The following SGK1 variants were observed in gnomAD, a reference collection of about 807,000 sequenced individuals.
SGK1 encodes the protein serine/threonine-protein kinase Sgk1.
In SGK1, 26 loss-of-function variants were observed where a neutral mutation model predicts 64.2. The observed-to-expected ratio is 0.40, with a 90% CI of 0.30 to 0.56. The LOEUF (loss-of-function observed/expected upper bound fraction) is 0.56. Among genes scored for constraint, SGK1 ranks in the 20% least tolerant of loss-of-function variants. The pLI is 0.38. For missense variants in SGK1, 519 were observed against 645.6 expected, an observed-to-expected ratio of 0.80 and a Z score of 2.12; for synonymous variants, 265 against 239.7, an observed-to-expected ratio of 1.11 and a Z score of -0.98.
chr6:134,317,871 G>T lies in SGK1; in HGVS notation c.-411C>A. The stretch of plus-strand genomic sequence containing the variant: ...CGAGTCGCTCTTCTCCAGGTGATGC[G>T]CTCCTGGAGGCGGCTTGAGAGAGGA... On this transcript the variant is annotated 5_prime_UTR_variant, in exon 1 of 14. Transcript: ENST00000367858. 1 of 174,098 alleles carries T rather than the reference G, an allele frequency of 5.7e-6. No individual in the cohort carries two copies. The highest frequency in any genetic ancestry group is 6.2e-5 in the Admixed American group (1 of 16,174). The allele number at this position is 174,098 out of a possible 1,614,324, so 10.8% of individuals were successfully genotyped here. A position where few individuals can be genotyped will look rare whatever the true frequency, so the allele number is the denominator to read the frequency against.
At chr6:134,298,648 G>A (rs1429291095) in intron 1 of SGK1, 15 of 1,335,252 alleles carry the variant, frequency 1.1e-5, no homozygotes, top group South Asian at 2.4e-5. Context: ...AAGGCCCGGG[G>A]GCCAGAGATG....
Position 134,173,521 on chromosome 6 carries a change from G to A in SGK1, c.559C>T (p.His187Tyr), listed in dbSNP as rs1327823295. Residue 187 changes from histidine to tyrosine, a missense_variant, in exon 6 of 14, where the codon CAT (histidine) becomes TAT (tyrosine). By Grantham distance (83) the His-to-Tyr change is moderately conservative (BLOSUM62 2). This residue lies in a region of SGK1 where 241 missense variants were observed against 236.9 expected (regional missense o/e 1.02). Transcript: ENST00000367858. ...AAGTGAAAGTCAGATGGTTTAGCAT[G>A]AGGATTGGACGACGGGCCAAGGTTG... ...QINLGPSSNP[H>Y]AKPSDFHFLK... The A allele has an allele frequency of 5.0e-5, 81 of 1,613,016 alleles. No homozygotes were observed. Among genetic ancestry groups the A allele is most frequent in the Non-Finnish European group, 6.6e-5 (78 of 1,179,748 alleles).
chr6:134,186,721 G>A (rs1001439618), intron 3 of SGK1, among the ~76,000 whole-genome samples: 3 of 152,116 alleles, frequency 2.0e-5, no homozygotes, highest in Non-Finnish European at 4.4e-5. Context: ...AGATTGAGTT[G>A]TTGTAATTTC....
chr6:134,254,743 A>T (rs1776655342), intron 2 of SGK1, among the ~76,000 whole-genome samples: 1 of 152,224 alleles, frequency 6.6e-6, no homozygotes, highest in Admixed American at 6.5e-5. Flanking sequence ...ATAAACACAC[A>T]TATATACAGA....
intron 1 of SGK1, among the ~76,000 whole-genome samples, chr6:134,281,702 G>T (rs1310023273): frequency 2.6e-5 from 4 of 151,860 alleles, no homozygotes; most frequent in African/African-American, 9.7e-5. Flanking sequence ...TTTTTGTAGA[G>T]ATGGGGGTCT....
At chr6:134,211,725 G>A in intron 2 of SGK1, among the ~76,000 whole-genome samples, 1 of 151,802 alleles carries the variant, frequency 6.6e-6, no homozygotes, top group East Asian at 1.9e-4. Flanking sequence ...AAGAATGTGT[G>A]GAGCAGTAAC....
Position 134,204,263 on chromosome 6 carries a change from A to ATT in SGK1, c.361+3092_361+3093insAA, listed in dbSNP as rs1297083328. ...AAATAAATAAATAAATAAATAAATAAATAATTACTCTAGACATAGATCCTA... is the reference window on the plus strand; with the variant it reads ...AAATAAATAAATAAATAAATAAATAATTATAATTACTCTAGACATAGATCCTA... On this transcript the variant is annotated intron_variant, in intron 3 of 13. Coordinates refer to ENST00000367858, the MANE Select transcript of SGK1 (RefSeq NM_001143676.3). Among the ~76,000 whole-genome samples, 536 of 149,806 alleles carry ATT rather than the reference A, an allele frequency of 3.6e-3. 1 individual carries two copies. The highest frequency in any genetic ancestry group is 0.011 in the African/African-American group (451 of 40,076).
chr6:134,170,551 C>A (rs943376211), intron 13 of SGK1, 116 bp from the exon 14 acceptor site: 35 of 971,650 alleles, frequency 3.6e-5, no homozygotes, highest in Admixed American at 5.1e-5. Context: ...TCCATAATCA[C>A]CCACTTCAAG....
At chr6:134,183,405 A>G (rs1343074572) in intron 3 of SGK1, among the ~76,000 whole-genome samples, 1 of 152,172 alleles carries the variant, frequency 6.6e-6, no homozygotes, top group Non-Finnish European at 1.5e-5. Context: ...AACTTATTCC[A>G]TCTATCTAGC....
intron 3 of SGK1, among the ~76,000 whole-genome samples, chr6:134,192,943 C>T (rs1775538519): frequency 1.3e-5 from 2 of 152,132 alleles, no homozygotes; most frequent in Admixed American, 6.5e-5. Context: ...AGCCTGTTTT[C>T]ATTATTAGTT....
rs758199341 is a variant in SGK1, at chr6:134,170,380, G to A, written c.1469C>T (p.Pro490Leu). Residue 490 changes from proline (P) to leucine (L), a missense_variant, in exon 14 of 14, where the codon CCC becomes CTC. By Grantham distance (98) the Pro-to-Leu change is moderately conservative. This residue lies in a region of SGK1 where 278 missense variants were observed against 408.7 expected (regional missense o/e 0.68). Transcript: ENST00000367858. ...GTCAGGGGACTTGCCAATGGAGTTGGGGACAGGCTCTTCGGTAAACTCGGG... is the reference window on the plus strand; with the variant it reads ...GTCAGGGGACTTGCCAATGGAGTTGAGGACAGGCTCTTCGGTAAACTCGGG... ...FDPEFTEEPVPNSIGKSPDSV... is the reference protein window; with the variant it reads ...FDPEFTEEPVLNSIGKSPDSV... The A allele has an allele frequency of 6.2e-7, 1 of 1,614,086 alleles. No individual in the cohort carries two copies. Among genetic ancestry groups the A allele is most frequent in the Admixed American group, 1.7e-5 (1 of 60,008 alleles).
chr6:134,170,388 C>A lies in SGK1; in HGVS notation c.1461G>T (p.Glu487Asp). 1 of 1,614,020 alleles carries A rather than the reference C, an allele frequency of 6.2e-7. No homozygotes were observed. The highest frequency in any genetic ancestry group is 8.5e-7 in the Non-Finnish European group (1 of 1,179,924). The change falls in exon 14 of 14, where the codon GAG (glutamate) becomes GAT (aspartate). Residue 487 changes from glutamate to aspartate, a missense_variant. Glu to Asp is a conservative substitution (Grantham distance 45, BLOSUM62 2). Coordinates refer to ENST00000367858, the MANE Select transcript of SGK1 (RefSeq NM_001143676.3). ...LRHFDPEFTE[E>D]PVPNSIGKSP... ...ACTTGCCAATGGAGTTGGGGACAGG[C>A]TCTTCGGTAAACTCGGGGTCAAAGT...
At chr6:134,209,654 G>A (rs139525333) in intron 2 of SGK1, among the ~76,000 whole-genome samples, 2 of 152,104 alleles carry the variant, frequency 1.3e-5, no homozygotes, top group Non-Finnish European at 2.9e-5. Flanking sequence ...TAGTTTCACC[G>A]ACATTTTCTC....
At chr6:134,188,791 G>A (rs1447834042) in intron 3 of SGK1, among the ~76,000 whole-genome samples, 1 of 151,748 alleles carries the variant, frequency 6.6e-6, no homozygotes, top group Non-Finnish European at 1.5e-5. Flanking sequence ...GGAGTGCAGT[G>A]GTGTGATCAT....
chr6:134,274,028 G>C (rs181276419), intron 1 of SGK1, among the ~76,000 whole-genome samples: 1 of 151,994 alleles, frequency 6.6e-6, no homozygotes, highest in East Asian at 1.9e-4. Context: ...TTTTGAGACA[G>C]AGTCTCACTC....
At chr6:134,220,088 G>GAAAAA (rs921148766) in intron 2 of SGK1, among the ~76,000 whole-genome samples, 1 of 92,348 alleles carries the variant, frequency 1.1e-5, no homozygotes, top group East Asian at 2.9e-4. Context: ...AAAAAAAAAA[G>GAAAAA]AAAAGAAAAG....
At position 134,297,572 on chromosome 6, in the gene SGK1, G is replaced by A. The variant is rs7752958; in HGVS notation, c.69+19820C>T. On this transcript the variant is annotated intron_variant, in intron 1 of 13. Transcript: ENST00000367858. ...GGCTGGAGTGCAGTGGCACGATCTC[G>A]GCTCACTGCAAGCTCCGCCTCCCAG... 5.6e-4 allele frequency: 279 copies of A among 498,624 alleles called. 2 individuals are homozygous for A. Among genetic ancestry groups the A allele is most frequent in the African/African-American group, 3.6e-3 (187 of 51,666 alleles). 30.9% of individuals were successfully genotyped at this position (498,624 alleles called of 1,614,324 possible). A position where few individuals can be genotyped will look rare whatever the true frequency, so the allele number is the denominator to read the frequency against.
At position 134,172,740 on chromosome 6, in the gene SGK1, A is replaced by AGGAAGCAGC; in HGVS notation, c.860_868dup (p.Arg287_Phe289dup). On this transcript the variant is annotated inframe_insertion, in exon 9 of 14. Transcript: ENST00000367858. The stretch of plus-strand genomic sequence containing the variant: ...AGCATAGAAACGAGCCCGTGGTTCC[A>AGGAAGCAGC]GGAAGCAGCGTTCCCTCTGGAGATG... 1 of 1,614,090 alleles carries AGGAAGCAGC rather than the reference A, an allele frequency of 6.2e-7. No individual in the cohort carries two copies. Among genetic ancestry groups the AGGAAGCAGC allele is most frequent in the Non-Finnish European group, 8.5e-7 (1 of 1,179,906 alleles).
At chr6:134,209,263 G>A (rs529388077) in intron 2 of SGK1, among the ~76,000 whole-genome samples, 36 of 152,048 alleles carry the variant, frequency 2.4e-4, no homozygotes, top group African/African-American at 3.1e-4. Context: ...CTGAAATCCC[G>A]TCTCTACTAA....
Sources: gnomAD v4.1 joint callset for allele counts (sites outside exome capture counted in the v4.1 genomes callset) on GRCh38, gnomAD v4.1.1 for gene constraint, gnomAD v4.1.1 regional missense constraint, MANE v1.5 for transcripts, NCBI Gene and HGNC (gene_info 2026-07-23, HGNC 2026-07-21) for gene names.